The following FERMT2 variants were observed in gnomAD, a reference collection of about 807,000 sequenced individuals.
The protein encoded by FERMT2 is FERM domain containing kindlin 2.
In FERMT2, 15 loss-of-function variants were observed where a neutral mutation model predicts 82.7. That is an observed-to-expected ratio of 0.18 (90% CI 0.12 to 0.28). FERMT2 has a LOEUF of 0.28. Among genes scored for constraint, FERMT2 ranks in the 10% least tolerant of loss-of-function variants. FERMT2 has a pLI of 1.00. For synonymous variants in FERMT2, 274 were observed against 271.5 expected (o/e 1.01, Z -0.09); for missense variants, 645 against 809.4 (o/e 0.80, Z 2.46).
rs115773485 is a variant in FERMT2, at chr14:52,916,815, T to G, written c.391+2308A>C. Among the ~76,000 whole-genome samples, 509 of 152,344 alleles carry G rather than the reference T, an allele frequency of 3.3e-3. 6 individuals are homozygous for G. Among genetic ancestry groups the G allele is most frequent in the African/African-American group, 0.012 (487 of 41,576 alleles). On this transcript the variant is annotated intron_variant, in intron 3 of 14. Coordinates refer to ENST00000341590, the MANE Select transcript of FERMT2 (RefSeq NM_006832.3). ...GGTATGTGGGAATTCTCTGTACTTT[T>G]GCTCAACTTTGCTGTGAACCTACAA...
intron 2 of FERMT2, among the ~76,000 whole-genome samples, chr14:52,944,044 T>C (rs964190773): frequency 6.6e-6 from 1 of 152,232 alleles, no homozygotes; most frequent in African/African-American, 2.4e-5. Flanking sequence ...AGGCAGCAAA[T>C]AGCACATACT....
intron 1 of FERMT2, 99 bp from the exon 2 acceptor site, chr14:52,950,676 G>A: frequency 8.0e-7 from 1 of 1,246,648 alleles, no homozygotes; most frequent in Non-Finnish European, 1.1e-6. Context: ...GGGAGGTGGT[G>A]GAGGACCCGG....
At chr14:52,905,145 C>A (rs62003535) in intron 3 of FERMT2, among the ~76,000 whole-genome samples, 3 of 148,492 alleles carry the variant, frequency 2.0e-5, no homozygotes, top group South Asian at 4.3e-4. Flanking sequence ...GCCAAGATTG[C>A]GCCACTGCAC....
At chr14:52,864,182 G>A (rs1169765966) in intron 12 of FERMT2, among the ~76,000 whole-genome samples, 1 of 152,084 alleles carries the variant, frequency 6.6e-6, no homozygotes, top group East Asian at 1.9e-4. Flanking sequence ...TCCAAAATGT[G>A]CCAATGAGCA....
chr14:52,875,687 G>C (rs1027450354), intron 7 of FERMT2, among the ~76,000 whole-genome samples: 10 of 151,218 alleles, frequency 6.6e-5, no homozygotes, highest in African/African-American at 2.4e-4. Context: ...AATCTGCCCT[G>C]TGTCTATAAC....
intron 7 of FERMT2, 33 bp downstream of exon 7, chr14:52,878,549 G>A (rs750430518): frequency 1.4e-5 from 19 of 1,323,366 alleles, no homozygotes; most frequent in East Asian, 7.1e-5. Context: ...CCCTTTACCG[G>A]AATAAGTCCC....
At chr14:52,897,229 T>C (rs1395360892) in intron 3 of FERMT2, among the ~76,000 whole-genome samples, 1 of 152,216 alleles carries the variant, frequency 6.6e-6, no homozygotes, top group East Asian at 1.9e-4. Flanking sequence ...TAAATCATAA[T>C]TTAATCATTC....
intron 2 of FERMT2, among the ~76,000 whole-genome samples, chr14:52,920,257 G>C (rs943574828): frequency 2.0e-5 from 3 of 152,134 alleles, no homozygotes; most frequent in African/African-American, 7.2e-5. Context: ...AGACTGCTGG[G>C]ATCAACTGTA....
rs1884705557 is a variant in FERMT2, at chr14:52,858,569, C to CCAT, written c.1870-22_1870-20dup. On this transcript the variant is annotated intron_variant, in intron 14 of 14. Coordinates refer to ENST00000341590, the MANE Select transcript of FERMT2 (RefSeq NM_006832.3). ...CGGTGACCTGGAACAAAGACAAGAGCCATCAGTGCTGTCCCAAATGCTAGG... is the reference window on the plus strand; with the variant it reads ...CGGTGACCTGGAACAAAGACAAGAGCCATCATCAGTGCTGTCCCAAATGCTAGG... 9 of 1,612,738 alleles carry CCAT rather than the reference C, an allele frequency of 5.6e-6. No individual in the cohort carries two copies. The highest frequency in any genetic ancestry group is 7.6e-6 in the Non-Finnish European group (9 of 1,179,150).
intron 3 of FERMT2, among the ~76,000 whole-genome samples, chr14:52,907,867 C>T (rs1462442764): frequency 6.6e-6 from 1 of 151,922 alleles, no homozygotes; most frequent in Non-Finnish European, 1.5e-5. Flanking sequence ...AATTGGTCTT[C>T]ACCAAAATGA....
At chr14:52,947,915 T>C (rs1475821406) in intron 2 of FERMT2, among the ~76,000 whole-genome samples, 4 of 152,244 alleles carry the variant, frequency 2.6e-5, no homozygotes, top group African/African-American at 9.6e-5. Context: ...CTGAACATTA[T>C]CTGGGAAAAT....
At chr14:52,860,872 C>T (rs1884886588) in intron 12 of FERMT2, 2 of 676,612 alleles carry the variant, frequency 3.0e-6, no homozygotes, top group African/African-American at 1.9e-5. Flanking sequence ...TATTTGTTAG[C>T]AGCTTTAAGG....
chr14:52,902,991 C>T lies in FERMT2; in HGVS notation c.392-9564G>A, dbSNP rs192604589. Among the ~76,000 whole-genome samples the T allele has an allele frequency of 8.4e-5, 12 of 142,242 alleles. No homozygotes were observed. The East Asian group carries it at 2.3e-3, about 27-fold the overall frequency. 93.3% of individuals were successfully genotyped at this position (142,242 alleles called of 152,430 possible). On this transcript the variant is annotated intron_variant, in intron 3 of 14. Coordinates refer to ENST00000341590, the MANE Select transcript of FERMT2 (RefSeq NM_006832.3). ...GGATCGATCCAAGAACAATGTCTGA[C>T]TAACAGTAACAGCGAGAACAGAGAA...
At chr14:52,884,654 G>A (rs1385574911) in intron 4 of FERMT2, among the ~76,000 whole-genome samples, 1 of 151,936 alleles carries the variant, frequency 6.6e-6, no homozygotes, top group African/African-American at 2.4e-5. Flanking sequence ...GCTACACACT[G>A]CCTCCATGTA....
chr14:52,926,933 G>C (rs1889306398), intron 2 of FERMT2, among the ~76,000 whole-genome samples: 1 of 151,956 alleles, frequency 6.6e-6, no homozygotes, highest in Non-Finnish European at 1.5e-5. Context: ...CAGCATTCTG[G>C]AAAGAATTAT....
At chr14:52,885,312 C>CACAA (rs1368863667) in intron 4 of FERMT2, among the ~76,000 whole-genome samples, 1 of 61,064 alleles carries the variant, frequency 1.6e-5, no homozygotes, top group African/African-American at 6.6e-5. Context: ...GACTTAGTCT[C>CACAA]AAAAAAAAAA....
In FERMT2 at chr14:52,918,202, C is replaced by A. The variant is rs1888729134; in HGVS notation, c.391+921G>T. 3.3e-5 allele frequency among the ~76,000 whole-genome samples: 5 copies of A among 151,972 alleles called. No homozygotes were observed. In the South Asian group the frequency reaches 1.0e-3, roughly 32 times the overall value. On this transcript the variant is annotated intron_variant, in intron 3 of 14. Transcript: ENST00000341590. ...AGTACGTCTATACTCTGAATTACAGCTTAAAAGAATGTATAACACATAGAA... is the reference window on the plus strand; with the variant it reads ...AGTACGTCTATACTCTGAATTACAGATTAAAAGAATGTATAACACATAGAA...
At chr14:52,886,508 T>C (rs551329619) in intron 4 of FERMT2, among the ~76,000 whole-genome samples, 2 of 152,182 alleles carry the variant, frequency 1.3e-5, no homozygotes, top group East Asian at 3.9e-4. Context: ...GGGATATATG[T>C]GACAGAAAAA....
At chr14:52,885,408 A>G (rs1291755129) in intron 4 of FERMT2, among the ~76,000 whole-genome samples, 1 of 151,432 alleles carries the variant, frequency 6.6e-6, no homozygotes, top group Non-Finnish European at 1.5e-5. Flanking sequence ...TCCCAATTCT[A>G]GCAGCACTGC....
Sources: allele counts gnomAD v4.1 joint callset (sites outside exome capture counted in the v4.1 genomes callset), GRCh38; gene constraint gnomAD v4.1.1; transcripts MANE v1.5; gene names NCBI Gene and HGNC (gene_info 2026-07-23, HGNC 2026-07-21).